Variants in PAPPA2 observed in about 807,000 individuals in gnomAD.
The protein encoded by PAPPA2 is pappalysin 2.
Under a neutral mutation model 176.4 loss-of-function variants are expected in PAPPA2, and 86 were observed. The observed-to-expected ratio is 0.49, with a 90% confidence interval of 0.41 to 0.58. The LOEUF is 0.58. PAPPA2 is among the 20% of genes least tolerant of loss of function. The probability of loss-of-function intolerance (pLI) is 0.00; values close to 1 mark genes in which losing one functional copy is unlikely to be tolerated. For missense variants in PAPPA2, 2,073 were observed against 2,256.9 expected, an observed-to-expected ratio of 0.92 and a Z score of 1.65; for synonymous variants, 809 against 852.2, an observed-to-expected ratio of 0.95 and a Z score of 0.88.
At chr1:176,632,702 G>T (rs1045890851) in intron 3 of PAPPA2, among the ~76,000 whole-genome samples, 21 of 152,186 alleles carry the variant, frequency 1.4e-4, no homozygotes, top group Middle Eastern at 3.4e-3. Context: ...GTAAAAACAG[G>T]ACAAATGACC....
chr1:176,641,371 G>T (rs1459220217), intron 3 of PAPPA2, among the ~76,000 whole-genome samples: 2 of 151,658 alleles, frequency 1.3e-5, no homozygotes, highest in Admixed American at 6.6e-5. Flanking sequence ...TTTGTATAAG[G>T]TGTAAGGAAG....
intron 3 of PAPPA2, among the ~76,000 whole-genome samples, chr1:176,644,187 T>C (rs1435251304): frequency 1.3e-5 from 2 of 151,832 alleles, no homozygotes; most frequent in Non-Finnish European, 2.9e-5. Flanking sequence ...TCTGTGGGCT[T>C]ACGAAAACTT....
chr1:176,645,361 T>G (rs1368130526), intron 3 of PAPPA2, among the ~76,000 whole-genome samples: 1 of 151,796 alleles, frequency 6.6e-6, no homozygotes, highest in East Asian at 1.9e-4. Context: ...TTTTTGTGTT[T>G]GGCTTATTTC....
At chr1:176,773,207 A>T (rs1664311644) in intron 17 of PAPPA2, among the ~76,000 whole-genome samples, 1 of 152,136 alleles carries the variant, frequency 6.6e-6, no homozygotes, top group Non-Finnish European at 1.5e-5. Flanking sequence ...ATTATTTACC[A>T]CGTTATGTAA....
At chr1:176,517,071 A>G (rs1648950523) in intron 1 of PAPPA2, among the ~76,000 whole-genome samples, 1 of 152,182 alleles carries the variant, frequency 6.6e-6, no homozygotes, top group African/African-American at 2.4e-5. Context: ...TATCTGTTCT[A>G]TTCCTACCAT....
At chr1:176,542,579 C>T (rs561531743) in intron 1 of PAPPA2, among the ~76,000 whole-genome samples, 17 of 152,310 alleles carry the variant, frequency 1.1e-4, no homozygotes, top group African/African-American at 2.4e-4. Flanking sequence ...GCCCCCTCAA[C>T]GATACCCCAT....
intron 12 of PAPPA2, among the ~76,000 whole-genome samples, chr1:176,728,669 T>G (rs993229920): frequency 1.3e-5 from 2 of 151,898 alleles, no homozygotes; most frequent in South Asian, 2.1e-4. Context: ...TTTAATTTTT[T>G]TGTGTGTGGA....
intron 4 of PAPPA2, among the ~76,000 whole-genome samples, chr1:176,675,715 T>G (rs1198157122): frequency 6.6e-6 from 1 of 152,048 alleles, no homozygotes; most frequent in Non-Finnish European, 1.5e-5. Flanking sequence ...GAAACAATAT[T>G]CAAAGAGATA....
intron 2 of PAPPA2, among the ~76,000 whole-genome samples, chr1:176,558,852 G>A (rs557395315): frequency 5.9e-5 from 9 of 152,170 alleles, no homozygotes; most frequent in South Asian, 2.1e-4. Context: ...CATAAAGACC[G>A]GGGATCAATT....
At chr1:176,831,795 A>AT (rs1226774631) in intron 21 of PAPPA2, among the ~76,000 whole-genome samples, 1 of 152,146 alleles carries the variant, frequency 6.6e-6, no homozygotes, top group Non-Finnish European at 1.5e-5. Flanking sequence ...TATCTGTGTG[A>AT]TGGTTTGGGG....
At chr1:176,543,702 G>T (rs946380998) in intron 1 of PAPPA2, among the ~76,000 whole-genome samples, 1 of 152,184 alleles carries the variant, frequency 6.6e-6, no homozygotes, top group South Asian at 2.1e-4. Context: ...GGCACAAATT[G>T]TCTGTCAGGG....
chr1:176,553,462 G>A (rs763329244), intron 1 of PAPPA2: 4 of 152,090 alleles, frequency 2.6e-5, no homozygotes, highest in African/African-American at 4.8e-5. Flanking sequence ...GTTACAACAG[G>A]AGGAAAACAC....
At chr1:176,562,946 C>T (rs1028683024) in intron 2 of PAPPA2, among the ~76,000 whole-genome samples, 2 of 152,160 alleles carry the variant, frequency 1.3e-5, no homozygotes, top group African/African-American at 4.8e-5. Flanking sequence ...GTAATTTTCT[C>T]TATGTCTCTG....
intron 17 of PAPPA2, among the ~76,000 whole-genome samples, chr1:176,772,068 A>G (rs1318899829): frequency 6.6e-6 from 1 of 152,192 alleles, no homozygotes; most frequent in Non-Finnish European, 1.5e-5. Flanking sequence ...TTAACTCAAT[A>G]TCCAGCCCAG....
At chr1:176,482,280 T>C (rs927956673) in intron 1 of PAPPA2, among the ~76,000 whole-genome samples, 11 of 152,214 alleles carry the variant, frequency 7.2e-5, no homozygotes, top group Non-Finnish European at 1.5e-5. Context: ...TCTGTGTAAA[T>C]GTCAGTCATA....
At chr1:176,579,150 G>C (rs756882451) in intron 2 of PAPPA2, among the ~76,000 whole-genome samples, 1 of 152,120 alleles carries the variant, frequency 6.6e-6, no homozygotes, top group Non-Finnish European at 1.5e-5. Context: ...GTAAAGAAAG[G>C]GTGAGCAATC....
At chr1:176,565,886 A>G (rs143141770) in intron 2 of PAPPA2, among the ~76,000 whole-genome samples, 1 of 152,282 alleles carries the variant, frequency 6.6e-6, no homozygotes, top group East Asian at 1.9e-4. Context: ...TCTCTCACCA[A>G]GCTCCCTCTT....
At chr1:176,659,188 G>A (rs982768903) in intron 3 of PAPPA2, among the ~76,000 whole-genome samples, 5 of 151,954 alleles carry the variant, frequency 3.3e-5, no homozygotes, top group Non-Finnish European at 5.9e-5. Flanking sequence ...TCTTAGGGCC[G>A]CTGTAACAAA....
chr1:176,617,121 T>G (rs774207244), intron 3 of PAPPA2, among the ~76,000 whole-genome samples: 5 of 152,136 alleles, frequency 3.3e-5, no homozygotes, highest in Non-Finnish European at 5.9e-5. Flanking sequence ...TTTGGTGGAG[T>G]AGTAATCAAT....
Sources: gnomAD v4.1 joint callset for allele counts (sites outside exome capture counted in the v4.1 genomes callset) on GRCh38, gnomAD v4.1.1 for gene constraint, MANE v1.5 for transcripts, NCBI Gene and HGNC (gene_info 2026-07-23, HGNC 2026-07-21) for gene names.